SMARCA5: variants seen among roughly 807,000 people sequenced by gnomAD.
The protein encoded by SMARCA5 is SNF2 related chromatin remodeling ATPase 5.
SMARCA5 carries 18 observed loss-of-function variants against 140.4 expected under a neutral mutation model. That is an observed-to-expected ratio of 0.13 (90% confidence interval 0.09 to 0.19). The LOEUF is 0.19. Ranked by LOEUF, SMARCA5 falls within the 10% of genes least tolerant of loss-of-function variation. The pLI is 1.00. For synonymous variants in SMARCA5, 449 were observed against 419.6 expected (o/e 1.07, Z -0.86); for missense variants, 606 against 1,276.8 (o/e 0.47, Z 8.01).
chr4:143,545,908 A>G lies in SMARCA5; in HGVS notation c.2398-17A>G, dbSNP rs1286999107. 5 of 1,592,452 alleles carry G rather than the reference A, an allele frequency of 3.1e-6. No homozygotes were observed. Among genetic ancestry groups the G allele is most frequent in the Non-Finnish European group, 4.3e-6 (5 of 1,173,246 alleles). On this transcript the variant is annotated splice_polypyrimidine_tract_variant and intron_variant, in intron 18 of 23. Coordinates refer to ENST00000283131, the MANE Select transcript of SMARCA5 (RefSeq NM_003601.4). ...TTAAAATTTACTGATTTGATGGCATAGAAAAATATCTTTTAGGTACCTCGA... is the reference window on the plus strand; with the variant it reads ...TTAAAATTTACTGATTTGATGGCATGGAAAAATATCTTTTAGGTACCTCGA...
chr4:143,545,838 A>G (rs756369542), intron 18 of SMARCA5, 87 bp from the exon 19 acceptor site: 9 of 1,240,118 alleles, frequency 7.3e-6, no homozygotes, highest in Non-Finnish European at 1.0e-5. Context: ...TCCTGGTTGA[A>G]TTGAAACTTG....
intron 14 of SMARCA5, 76 bp from the exon 15 acceptor site, chr4:143,543,433 C>A: frequency 1.7e-6 from 2 of 1,155,974 alleles, no homozygotes; most frequent in Non-Finnish European, 2.5e-6. Flanking sequence ...AGCATTAAAC[C>A]TTACATTTAA....
At chr4:143,540,132 T>G (rs1360026515) in intron 13 of SMARCA5, among the ~76,000 whole-genome samples, 1 of 152,188 alleles carries the variant, frequency 6.6e-6, no homozygotes, top group Admixed American at 6.5e-5. Flanking sequence ...TTAAAATCTT[T>G]CCTCATCAGA....
chr4:143,531,130 A>G (rs1737175607), intron 9 of SMARCA5, among the ~76,000 whole-genome samples: 2 of 152,210 alleles, frequency 1.3e-5, no homozygotes, highest in Admixed American at 6.5e-5. Context: ...TTAATAGACA[A>G]GTTTTTAAAG....
rs373110947 is a variant in SMARCA5, at chr4:143,528,721, A to G, written c.1089+7A>G. The G allele has an allele frequency of 4.4e-6, 7 of 1,607,126 alleles. No individual in the cohort carries two copies. Among genetic ancestry groups the G allele is most frequent in the Non-Finnish European group, 5.9e-6 (7 of 1,177,688 alleles). On this transcript the variant is annotated splice_region_variant and intron_variant, in intron 8 of 23. Coordinates refer to ENST00000283131, the MANE Select transcript of SMARCA5 (RefSeq NM_003601.4). ...TGTGTTTAATTCAGCAGATGTAAGTATTTCCTGGTGCTTTCTGGTTAATAA... is the reference window on the plus strand; with the variant it reads ...TGTGTTTAATTCAGCAGATGTAAGTGTTTCCTGGTGCTTTCTGGTTAATAA...
At chr4:143,519,444 A>C (rs894033649) in intron 2 of SMARCA5, among the ~76,000 whole-genome samples, 17 of 152,100 alleles carry the variant, frequency 1.1e-4, no homozygotes, top group African/African-American at 4.1e-4. Flanking sequence ...CAAGTTTCTT[A>C]ACATTTTTGC....
At chr4:143,531,004 T>C (rs939555428) in intron 9 of SMARCA5, among the ~76,000 whole-genome samples, 1 of 152,126 alleles carries the variant, frequency 6.6e-6, no homozygotes, top group Non-Finnish European at 1.5e-5. Context: ...TTTGTAGAGA[T>C]AGTGTTTCAC....
intron 8 of SMARCA5, among the ~76,000 whole-genome samples, 200 bp downstream of exon 8, chr4:143,528,914 A>G (rs1244444686): frequency 6.6e-6 from 1 of 151,802 alleles, no homozygotes; most frequent in Non-Finnish European, 1.5e-5. Context: ...TTTGGTTTCA[A>G]TCTTATTTCA....
intron 8 of SMARCA5, among the ~76,000 whole-genome samples, chr4:143,529,416 T>C (rs1433277544): frequency 6.6e-6 from 1 of 152,182 alleles, no homozygotes; most frequent in African/African-American, 2.4e-5. Flanking sequence ...ATGTTTTAAG[T>C]CCCAAGGATG....
intron 1 of SMARCA5, among the ~76,000 whole-genome samples, 158 bp from the exon 2 acceptor site, chr4:143,517,197 T>C (rs1736859230): frequency 6.6e-6 from 1 of 152,240 alleles, no homozygotes; most frequent in South Asian, 2.1e-4. Flanking sequence ...TATCATTTTA[T>C]CAGTTTTTCT....
At chr4:143,521,385 A>G (rs764168586) in intron 2 of SMARCA5, 44 bp from the exon 3 acceptor site, 19 of 1,437,472 alleles carry the variant, frequency 1.3e-5, no homozygotes, top group Admixed American at 7.7e-5. Context: ...CTGAAGTTTT[A>G]ATTGATACTC....
rs777218169 is a variant in SMARCA5 at position 143,548,058 on chromosome 4, A to G, written c.2903A>G (p.Asn968Ser). 1 of 1,612,848 alleles carries G rather than the reference A, an allele frequency of 6.2e-7. No homozygotes were observed. Among genetic ancestry groups the G allele is most frequent in the Non-Finnish European group, 8.5e-7 (1 of 1,179,232 alleles). ...MLHKLGFDKE[N>S]VYDELRQCIR... ...CACAAACTTGGATTTGACAAAGAAAATGTTTATGATGAATTGCGACAGTGT... is the reference window on the plus strand; with the variant it reads ...CACAAACTTGGATTTGACAAAGAAAGTGTTTATGATGAATTGCGACAGTGT... Residue 968 changes from asparagine to serine, a missense_variant, in exon 22 of 24, where the codon AAT (asparagine) becomes AGT (serine). Asn to Ser is a conservative substitution (Grantham distance 46, BLOSUM62 1). This residue lies in a region of SMARCA5 where 121 missense variants were observed against 227.1 expected (regional missense o/e 0.53). Coordinates refer to ENST00000283131, the MANE Select transcript of SMARCA5 (RefSeq NM_003601.4).
At position 143,513,898 on chromosome 4, in the gene SMARCA5, A is replaced by G. The variant is rs1294106664; in HGVS notation, c.-27A>G. On this transcript the variant is annotated 5_prime_UTR_variant, in exon 1 of 24. Transcript: ENST00000283131. ...TCCCCGCCGGACTCGGGCCTCTGGC[A>G]GCAGCGGGTGACGCAGACGGAACAT... 2 of 1,534,652 alleles carry G rather than the reference A, an allele frequency of 1.3e-6. No homozygotes were observed. Among genetic ancestry groups the G allele is most frequent in the Non-Finnish European group, 1.7e-6 (2 of 1,146,686 alleles).
At chr4:143,529,907 C>T (rs1737152082) in intron 8 of SMARCA5, among the ~76,000 whole-genome samples, 1 of 152,028 alleles carries the variant, frequency 6.6e-6, no homozygotes, top group Admixed American at 6.6e-5. Flanking sequence ...TACTTTAAAG[C>T]AGTGAATTCT....
intron 10 of SMARCA5, among the ~76,000 whole-genome samples, chr4:143,535,803 A>G (rs1737290163): frequency 2.0e-5 from 3 of 152,178 alleles, no homozygotes; most frequent in Admixed American, 1.3e-4. Context: ...TGATGCTTAG[A>G]CAAATTACTC....
intron 7 of SMARCA5, among the ~76,000 whole-genome samples, chr4:143,528,248 C>T (rs971429714): frequency 6.6e-6 from 1 of 152,180 alleles, no homozygotes; most frequent in African/African-American, 2.4e-5. Context: ...TTTCTCCCCA[C>T]TCCCCGACAG....
chr4:143,543,367 A>G, intron 14 of SMARCA5, 142 bp from the exon 15 acceptor site: 2 of 700,708 alleles, frequency 2.9e-6, no homozygotes, highest in Non-Finnish European at 4.5e-6. Context: ...AATCAAAATT[A>G]TTAGATGTGA....
intron 3 of SMARCA5, among the ~76,000 whole-genome samples, chr4:143,523,797 T>C (rs1478817805): frequency 1.3e-5 from 2 of 152,244 alleles, no homozygotes; most frequent in East Asian, 3.8e-4. Flanking sequence ...GGAGTAAGTA[T>C]TAATAGTTTT....
At chr4:143,548,779 T>C (rs1737579828) in intron 22 of SMARCA5, among the ~76,000 whole-genome samples, 1 of 152,068 alleles carries the variant, frequency 6.6e-6, no homozygotes, top group African/African-American at 2.4e-5. Flanking sequence ...TCTTTAGTCT[T>C]AAGTTTGGGA....
Sources: allele counts gnomAD v4.1 joint callset (sites outside exome capture counted in the v4.1 genomes callset), GRCh38; gene constraint gnomAD v4.1.1; regional missense constraint gnomAD v4.1.1; transcripts MANE v1.5; gene names NCBI Gene and HGNC (gene_info 2026-07-23, HGNC 2026-07-21).